Variants in EYS observed in about 807,000 individuals in gnomAD.
EYS encodes EGF-like photoreceptor maintenance factor.
Under a neutral mutation model 282.1 loss-of-function variants are expected in EYS, and 250 were observed. The observed-to-expected ratio is 0.89, with a 90% CI of 0.80 to 0.98. The LOEUF is 0.98. EYS is among the 50% of genes least tolerant of loss of function. The pLI, the probability that EYS is intolerant of heterozygous loss-of-function variation, is 0.00. For missense variants in EYS, 4,016 were observed against 3,709.0 expected (o/e 1.08, Z -2.15); for synonymous variants, 1,355 against 1,282.9 (o/e 1.06, Z -1.20).
At chr6:63,941,334 C>T (rs1765233073) in intron 35 of EYS, among the ~76,000 whole-genome samples, 1 of 152,194 alleles carries the variant, frequency 6.6e-6, no homozygotes, top group South Asian at 2.1e-4. Context: ...TCCACATCCT[C>T]TCCAGCACCT....
At chr6:65,078,376 T>C (rs1008816768) in intron 12 of EYS, among the ~76,000 whole-genome samples, 1 of 152,102 alleles carries the variant, frequency 6.6e-6, no homozygotes, top group African/African-American at 2.4e-5. Context: ...TGCAGTTCAA[T>C]TGTCAATTGA....
intron 19 of EYS, among the ~76,000 whole-genome samples, chr6:64,826,341 C>T (rs1208608437): frequency 6.6e-6 from 1 of 151,880 alleles, no homozygotes; most frequent in Non-Finnish European, 1.5e-5. Flanking sequence ...TTTGGAGCTA[C>T]AGCAATAGTT....
chr6:64,448,572 T>A (rs975655492), intron 26 of EYS, among the ~76,000 whole-genome samples: 1 of 152,228 alleles, frequency 6.6e-6, no homozygotes, highest in Non-Finnish European at 1.5e-5. Context: ...AGTGGGTCCC[T>A]GACCCCCAAG....
chr6:65,171,105 C>A (rs1765094868), intron 12 of EYS, among the ~76,000 whole-genome samples: 1 of 151,454 alleles, frequency 6.6e-6, no homozygotes, highest in Admixed American at 6.6e-5. Context: ...AGGCAGTGTA[C>A]TAATTATCTG....
intron 31 of EYS, among the ~76,000 whole-genome samples, chr6:64,197,835 C>T (rs1582414618): frequency 6.6e-6 from 1 of 151,394 alleles, no homozygotes; most frequent in South Asian, 2.1e-4. Context: ...TTATTTCTTA[C>T]ACATTTCAAA....
At chr6:64,845,777 C>T (rs1230533109) in intron 19 of EYS, among the ~76,000 whole-genome samples, 1 of 152,110 alleles carries the variant, frequency 6.6e-6, no homozygotes. Context: ...TTCTAACAAA[C>T]ATCTCATTCT....
rs118144646 is a variant in EYS, at chr6:65,275,069, A to T, written c.2023+20794T>A. Among the ~76,000 whole-genome samples the T allele has an allele frequency of 2.5e-4, 38 of 152,228 alleles. No homozygotes were observed. In the East Asian group the frequency reaches 4.6e-3, roughly 19 times the overall value. ...AGGGAGGGTTTTAGGGGAGGTCCAG[A>T]TTGCTGTGCAAGCTACTCTGTCCCT... On this transcript the variant is annotated intron_variant, in intron 12 of 42. Coordinates refer to ENST00000503581, the MANE Select transcript of EYS (RefSeq NM_001142800.2).
At chr6:63,831,047 A>T (rs990827787) in intron 36 of EYS, among the ~76,000 whole-genome samples, 1 of 152,248 alleles carries the variant, frequency 6.6e-6, no homozygotes, top group Non-Finnish European at 1.5e-5. Context: ...GGCCTGCCTT[A>T]CAAGAGCTCC....
intron 12 of EYS, among the ~76,000 whole-genome samples, chr6:65,079,661 T>C (rs1581890997): frequency 6.6e-6 from 1 of 152,098 alleles, no homozygotes; most frequent in East Asian, 1.9e-4. Context: ...CATATGTGGC[T>C]CGCGTAATGT....
At chr6:64,171,881 C>T (rs979372893) in intron 31 of EYS, among the ~76,000 whole-genome samples, 1 of 152,122 alleles carries the variant, frequency 6.6e-6, no homozygotes, top group South Asian at 2.1e-4. Flanking sequence ...ACCTTTCCAG[C>T]GTTCACATCA....
chr6:65,335,261 G>A, intron 10 of EYS, 115 bp from the exon 11 acceptor site: 1 of 786,016 alleles, frequency 1.3e-6, no homozygotes, highest in Non-Finnish European at 2.2e-6. Flanking sequence ...ATGAAACCTA[G>A]GGTTAAGGAA....
At chr6:64,988,078 G>A (rs571766107) in intron 14 of EYS, among the ~76,000 whole-genome samples, 1 of 151,162 alleles carries the variant, frequency 6.6e-6, no homozygotes, top group Non-Finnish European at 1.5e-5. Context: ...TTTTGGTCTT[G>A]GTCTTTTAAG....
At chr6:65,503,272 T>C (rs565740890) in intron 2 of EYS, among the ~76,000 whole-genome samples, 1 of 151,614 alleles carries the variant, frequency 6.6e-6, no homozygotes, top group Admixed American at 6.6e-5. Context: ...ATTTTGGGGG[T>C]TGAATTGTCT....
chr6:65,402,164 T>C (rs1766533421), intron 7 of EYS, among the ~76,000 whole-genome samples: 9 of 149,036 alleles, frequency 6.0e-5, no homozygotes, highest in South Asian at 2.1e-4. Context: ...GAGACATATC[T>C]CTCTCTTTTC....
intron 31 of EYS, among the ~76,000 whole-genome samples, chr6:64,135,491 A>G (rs978323709): frequency 6.6e-6 from 1 of 151,886 alleles, no homozygotes. Flanking sequence ...TTTTAAAATA[A>G]ATAATTAAAC....
At chr6:64,530,270 TAG>T (rs948965235) in intron 26 of EYS, among the ~76,000 whole-genome samples, 1 of 152,058 alleles carries the variant, frequency 6.6e-6, no homozygotes, top group African/African-American at 2.4e-5. Flanking sequence ...CTAAAATATC[TAG>T]AATTTTCATT....
intron 24 of EYS, among the ~76,000 whole-genome samples, chr6:64,615,224 T>C (rs935092386): frequency 6.6e-6 from 1 of 152,100 alleles, no homozygotes; most frequent in African/African-American, 2.4e-5. Flanking sequence ...TTCTTAAGAC[T>C]CTCTCAAGTT....
intron 18 of EYS, 112 bp from the exon 19 acceptor site, chr6:64,886,954 TA>T: frequency 5.6e-6 from 4 of 710,574 alleles, no homozygotes; most frequent in Non-Finnish European, 6.4e-6. Context: ...TTGAAATAAA[TA>T]ATATATGTAT....
At chr6:65,605,032 CG>C (rs1468738658) in intron 2 of EYS, among the ~76,000 whole-genome samples, 1 of 138,510 alleles carries the variant, frequency 7.2e-6, no homozygotes, top group Non-Finnish European at 1.5e-5. Flanking sequence ...TTTGTAGAGA[CG>C]GGGGTCTCAC....
Sources: allele counts gnomAD v4.1 joint callset (sites outside exome capture counted in the v4.1 genomes callset), GRCh38; gene constraint gnomAD v4.1.1; transcripts MANE v1.5; gene names NCBI Gene and HGNC (gene_info 2026-07-23, HGNC 2026-07-21).